Variants in SLC35F3 observed in about 807,000 individuals in gnomAD.
SLC35F3 encodes the protein putative thiamine transporter SLC35F3.
Under a neutral mutation model 49.9 loss-of-function variants are expected in SLC35F3, and 25 were observed. That is an observed-to-expected ratio of 0.50 (90% confidence interval 0.37 to 0.70). The LOEUF (loss-of-function observed/expected upper bound fraction) is 0.70, where lower values mean the gene tolerates loss of function less well. Ranked by LOEUF, SLC35F3 falls within the 30% of genes least tolerant of loss-of-function variation. SLC35F3 has a pLI of 0.00. For synonymous variants in SLC35F3, 275 were observed against 265.4 expected, an observed-to-expected ratio of 1.04 and a Z score of -0.35; for missense variants, 525 against 639.8, an observed-to-expected ratio of 0.82 and a Z score of 1.94.
At chr1:234,123,851 G>A (rs1302693473) in intron 2 of SLC35F3, among the ~76,000 whole-genome samples, 1 of 152,210 alleles carries the variant, frequency 6.6e-6, no homozygotes, top group Non-Finnish European at 1.5e-5. Context: ...TGGGGACAAA[G>A]GGCCCTGGTG....
intron 2 of SLC35F3, among the ~76,000 whole-genome samples, chr1:234,078,361 C>T (rs576455093): frequency 6.6e-6 from 1 of 152,204 alleles, no homozygotes; most frequent in Non-Finnish European, 1.5e-5. Flanking sequence ...CCTACTCATT[C>T]CTCATTCCAC....
chr1:234,251,480 A>AC (rs1425740631), intron 3 of SLC35F3, among the ~76,000 whole-genome samples: 102 of 148,726 alleles, frequency 6.9e-4, no homozygotes, highest in Non-Finnish European at 4.8e-4. Flanking sequence ...AAAAAAAAAA[A>AC]ACACACACAC....
rs1314965869 is a variant in SLC35F3, at chr1:234,027,153, G to T, written c.283+121395G>T. ...GGATATAGTCTCCAGGAAATGAGTTGGTTGTATAACCAGTCAATAGGCAAG... is the reference window on the plus strand; with the variant it reads ...GGATATAGTCTCCAGGAAATGAGTTTGTTGTATAACCAGTCAATAGGCAAG... On this transcript the variant is annotated intron_variant, in intron 2 of 7. Transcript: ENST00000366618. The surrounding 1 kb of genome is among the most constrained non-coding windows in gnomAD (Gnocchi z 4.1). 6.5e-6 allele frequency: 1 copy of T among 154,996 alleles called. No individual in the cohort carries two copies. Among genetic ancestry groups the T allele is most frequent in the South Asian group, 1.9e-4 (1 of 5,278 alleles). The allele number at this position is 154,996 out of a possible 1,614,324, so 9.6% of individuals were successfully genotyped here.
At chr1:234,031,424 A>T (rs909392731) in intron 2 of SLC35F3, among the ~76,000 whole-genome samples, 26 of 152,230 alleles carry the variant, frequency 1.7e-4, no homozygotes, top group Non-Finnish European at 2.8e-4. Flanking sequence ...TACTGATGCC[A>T]TAGAATGGTA....
intron 2 of SLC35F3, among the ~76,000 whole-genome samples, chr1:234,178,783 C>G (rs1666515243): frequency 6.6e-6 from 1 of 152,094 alleles, no homozygotes; most frequent in African/African-American, 2.4e-5. Flanking sequence ...CACATCATCA[C>G]CACCCAGAGC....
chr1:234,148,469 G>A (rs1344750924), intron 2 of SLC35F3, among the ~76,000 whole-genome samples: 6 of 152,142 alleles, frequency 3.9e-5, no homozygotes. Context: ...TCCTCTTGAT[G>A]TTAAACTAGA....
chr1:233,977,686 A>G (rs1359052358), intron 2 of SLC35F3, among the ~76,000 whole-genome samples: 4 of 152,194 alleles, frequency 2.6e-5, no homozygotes, highest in Admixed American at 2.6e-4. Flanking sequence ...TTGCTTGCAT[A>G]AATTATGGCA....
At chr1:234,322,587 G>A (rs536230882) in intron 7 of SLC35F3, among the ~76,000 whole-genome samples, 2 of 151,882 alleles carry the variant, frequency 1.3e-5, no homozygotes, top group Non-Finnish European at 2.9e-5. Context: ...GGCAGAGGTG[G>A]AAGAAAATCC....
chr1:234,272,019 G>A (rs1420715820), intron 3 of SLC35F3, among the ~76,000 whole-genome samples: 2 of 152,208 alleles, frequency 1.3e-5, no homozygotes, highest in Non-Finnish European at 2.9e-5. Context: ...CCAGCTACTT[G>A]ACAGGCTGAG....
intron 2 of SLC35F3, among the ~76,000 whole-genome samples, chr1:234,146,778 T>C (rs574614370): frequency 6.6e-6 from 1 of 152,266 alleles, no homozygotes; most frequent in East Asian, 1.9e-4. Context: ...CCTCCCAAAG[T>C]GCTGGGATTA....
At chr1:234,224,686 C>T (rs957128420) in intron 2 of SLC35F3, among the ~76,000 whole-genome samples, 3 of 152,230 alleles carry the variant, frequency 2.0e-5, no homozygotes, top group African/African-American at 7.2e-5. Flanking sequence ...CGTTGATGCT[C>T]TGGAGTCAAA....
chr1:233,913,638 C>G (rs1358616809), intron 2 of SLC35F3, among the ~76,000 whole-genome samples: 1 of 152,166 alleles, frequency 6.6e-6, no homozygotes, highest in Non-Finnish European at 1.5e-5. Flanking sequence ...CCTAAGTGGC[C>G]GTTTCCTCAG....
chr1:234,125,398 CCT>C (rs926952977), intron 2 of SLC35F3, among the ~76,000 whole-genome samples: 8 of 152,190 alleles, frequency 5.3e-5, no homozygotes, highest in African/African-American at 1.7e-4. Context: ...CGGATCATCC[CCT>C]GTCACATTTC....
At chr1:234,032,998 C>T (rs145502071) in intron 2 of SLC35F3, among the ~76,000 whole-genome samples, 1 of 151,932 alleles carries the variant, frequency 6.6e-6, no homozygotes, top group South Asian at 2.1e-4. Flanking sequence ...TAAAAGTGTT[C>T]CCTTTTCACC....
chr1:234,004,039 A>G (rs4609493), intron 2 of SLC35F3, among the ~76,000 whole-genome samples: 2,001 of 152,302 alleles, frequency 0.013, 50 homozygotes, highest in African/African-American at 0.045. Context: ...GGGCAATTTG[A>G]TAGAATCTAA....
At chr1:234,309,378 CCAT>C in intron 4 of SLC35F3, 58 bp downstream of exon 4, 2 of 1,487,820 alleles carry the variant, frequency 1.3e-6, no homozygotes, top group Non-Finnish European at 1.9e-6. Flanking sequence ...CAAAACCTGC[CCAT>C]CGGCTTGCTT....
At chr1:234,273,228 T>G (rs544732790) in intron 3 of SLC35F3, among the ~76,000 whole-genome samples, 35 of 152,256 alleles carry the variant, frequency 2.3e-4, no homozygotes, top group Non-Finnish European at 3.1e-4. Context: ...GACGTCTGAC[T>G]GCCAGCTGTG....
chr1:233,912,358 A>G (rs1169018213), intron 2 of SLC35F3, among the ~76,000 whole-genome samples: 1 of 152,052 alleles, frequency 6.6e-6, no homozygotes, highest in Non-Finnish European at 1.5e-5. Context: ...GGCACCTGTA[A>G]TCCCAGCTTC....
At chr1:234,139,749 A>T (rs1665862584) in intron 2 of SLC35F3, among the ~76,000 whole-genome samples, 1 of 151,700 alleles carries the variant, frequency 6.6e-6, no homozygotes, top group Admixed American at 6.6e-5. Context: ...GGAGTTTGAG[A>T]CCATCCTGGC....
Sources: gnomAD v4.1 joint callset for allele counts (sites outside exome capture counted in the v4.1 genomes callset) on GRCh38, gnomAD v4.1.1 for gene constraint, Gnocchi (gnomAD v3.1) non-coding constraint, MANE v1.5 for transcripts, NCBI Gene and HGNC (gene_info 2026-07-23, HGNC 2026-07-21) for gene names.